TTC3: variants seen among roughly 807,000 people sequenced by gnomAD.
TTC3 encodes E3 ubiquitin-protein ligase TTC3.
In TTC3, 180 loss-of-function variants were observed where a neutral mutation model predicts 249.6. That is an observed-to-expected ratio of 0.72 (90% confidence interval 0.64 to 0.82). The LOEUF is 0.82. TTC3 is among the 40% of genes least tolerant of loss of function. TTC3 has a pLI of 0.00. For synonymous variants in TTC3, 717 were observed against 805.0 expected, an observed-to-expected ratio of 0.89 and a Z score of 1.85; for missense variants, 2,061 against 2,398.4, an observed-to-expected ratio of 0.86 and a Z score of 2.94.
rs2072792891 is a variant in TTC3 at position 37,088,360 on chromosome 21, T to A, written c.338+14T>A. 1 of 1,600,706 alleles carries A rather than the reference T, an allele frequency of 6.2e-7. No homozygotes were observed. Among genetic ancestry groups the A allele is most frequent in the Non-Finnish European group, 8.5e-7 (1 of 1,172,432 alleles). On this transcript the variant is annotated intron_variant, in intron 4 of 45. Coordinates refer to ENST00000355666, the Ensembl canonical transcript of TTC3. ...TGTGGACGCCAAGTAAGTTACTATA[T>A]GTTGCTCATTTTGTGTGGACAGTGA...
intron 26 of TTC3, among the ~76,000 whole-genome samples, chr21:37,152,400 T>G (rs1324187613): frequency 6.6e-6 from 1 of 151,422 alleles, no homozygotes; most frequent in African/African-American, 2.4e-5. Context: ...TTGTTTTTTT[T>G]TTTTGAGACG....
chr21:37,073,439 A>T, intron 1 of TTC3: 6 of 985,744 alleles, frequency 6.1e-6, no homozygotes, highest in Non-Finnish European at 7.2e-6. Context: ...ATGCCGGGGG[A>T]GCGGGGCCTT....
intron 29 of TTC3, among the ~76,000 whole-genome samples, chr21:37,160,213 A>G (rs557427186): frequency 1.9e-4 from 29 of 152,304 alleles, no homozygotes; most frequent in African/African-American, 6.5e-4. Context: ...GAAATTCTTC[A>G]GTTTAGGAAA....
chr21:37,183,679 C>T (rs183200683), intron 36 of TTC3, among the ~76,000 whole-genome samples: 1 of 152,060 alleles, frequency 6.6e-6, no homozygotes, highest in Non-Finnish European at 1.5e-5. Flanking sequence ...CTTGGCCTCA[C>T]TTTCTCTCTG....
chr21:37,165,628 C>T, exon 33 of TTC3: 1 of 1,613,996 alleles, frequency 6.2e-7, no homozygotes, highest in Non-Finnish European at 8.5e-7. Context: ...ATGAGTTTTT[C>T]CCAGAAGAAA....
rs557275142 is a variant in TTC3, at chr21:37,081,377, A to G, written c.-11-5870A>G. Among the ~76,000 whole-genome samples the G allele has an allele frequency of 4.1e-4, 63 of 151,958 alleles. No homozygotes were observed. In the South Asian group the frequency reaches 0.012, roughly 30 times the overall value. ...GTGATCTGTCCGCCTCAGCCTCCCA[A>G]AGTGCTGGGATTACAGGCGTGAGCC... On this transcript the variant is annotated intron_variant, in intron 1 of 45. Transcript: ENST00000355666.
chr21:37,129,797 A>G (rs1002330728), intron 16 of TTC3, among the ~76,000 whole-genome samples: 2 of 152,126 alleles, frequency 1.3e-5, no homozygotes, highest in Non-Finnish European at 2.9e-5. Flanking sequence ...GCACGTCACC[A>G]TGACTGGATA....
At chr21:37,118,421 T>A (rs775217612) in intron 11 of TTC3, among the ~76,000 whole-genome samples, 12 of 152,016 alleles carry the variant, frequency 7.9e-5, no homozygotes, top group Non-Finnish European at 5.9e-5. Flanking sequence ...TCCTGAAGAG[T>A]GAGAATTTTT....
At position 37,095,176 on chromosome 21, in the gene TTC3, GTA is replaced by G. The variant is rs554952096; in HGVS notation, c.688-164_688-163del. On this transcript the variant is annotated intron_variant, in intron 8 of 45. Coordinates refer to ENST00000355666, the Ensembl canonical transcript of TTC3. ...GTGTGTGTGTGTGTATAGTGGGTGT[GTA>G]TATATATATGTAACAAAATATTGGG... Among the ~76,000 whole-genome samples the G allele has an allele frequency of 1.1e-3, 107 of 96,860 alleles. 4 individuals carry two copies. In the Middle Eastern group the frequency reaches 0.019, roughly 17 times the overall value. The allele number at this position is 96,860 out of a possible 152,430, so 63.5% of individuals were successfully genotyped here.
At chr21:37,186,736 T>C (rs950581975) in intron 37 of TTC3, among the ~76,000 whole-genome samples, 1 of 152,228 alleles carries the variant, frequency 6.6e-6, no homozygotes, top group Non-Finnish European at 1.5e-5. Flanking sequence ...CTATACAGTT[T>C]ATTAATGTCA....
At chr21:37,152,834 T>G in intron 26 of TTC3, 117 bp from the exon 27 acceptor site, 1 of 855,466 alleles carries the variant, frequency 1.2e-6, no homozygotes. Context: ...TTGAGTTTAG[T>G]AAAACAGTAT....
At chr21:37,157,012 T>C in intron 28 of TTC3, 106 bp downstream of exon 28, 1 of 1,431,646 alleles carries the variant, frequency 7.0e-7, no homozygotes, top group Non-Finnish European at 9.4e-7. Context: ...TAGTGAAAAT[T>C]ATTATGGTAC....
chr21:37,125,985 A>G, intron 14 of TTC3, 95 bp from the exon 15 acceptor site: 9 of 1,208,146 alleles, frequency 7.4e-6, no homozygotes, highest in Non-Finnish European at 1.0e-5. Context: ...GGTGAATTCT[A>G]TCCTATTCTA....
intron 35 of TTC3, among the ~76,000 whole-genome samples, chr21:37,179,919 T>G (rs1347661829): frequency 6.6e-6 from 1 of 152,210 alleles, no homozygotes; most frequent in African/African-American, 2.4e-5. Flanking sequence ...TTTAATGAAT[T>G]GTGTTTTCAT....
chr21:37,091,378 A>G (rs1385225834), exon 7 of TTC3: 1 of 1,610,932 alleles, frequency 6.2e-7, no homozygotes, highest in South Asian at 1.1e-5. Flanking sequence ...TCAATTGACA[A>G]TTGTTGGCCT....
intron 11 of TTC3, among the ~76,000 whole-genome samples, chr21:37,118,763 ATT>A (rs995820887): frequency 2.0e-5 from 3 of 151,804 alleles, no homozygotes; most frequent in Non-Finnish European, 4.4e-5. Context: ...TCCCTCTCTG[ATT>A]TTTACATGGA....
At chr21:37,142,058 A>C (rs1449045351) in intron 20 of TTC3, among the ~76,000 whole-genome samples, 2 of 152,244 alleles carry the variant, frequency 1.3e-5, no homozygotes, top group African/African-American at 2.4e-5. Context: ...ACAGCCCTTC[A>C]TGCTAAAACT....
intron 38 of TTC3, 102 bp downstream of exon 38, chr21:37,187,247 G>A (rs1569174511): frequency 2.4e-6 from 2 of 832,960 alleles, no homozygotes; most frequent in African/African-American, 1.8e-5. Flanking sequence ...AAAGTGTGGT[G>A]CATAAAGGAT....
intron 11 of TTC3, among the ~76,000 whole-genome samples, chr21:37,113,048 A>C (rs1473231487): frequency 1.3e-5 from 2 of 152,242 alleles, no homozygotes; most frequent in Admixed American, 6.5e-5. Flanking sequence ...ATTTCAAAAT[A>C]ATAAGAGCTA....
Sources: gnomAD v4.1 joint callset for allele counts (sites outside exome capture counted in the v4.1 genomes callset) on GRCh38, gnomAD v4.1.1 for gene constraint, MANE v1.5 for transcripts, NCBI Gene and HGNC (gene_info 2026-07-23, HGNC 2026-07-21) for gene names.